Variants in HPS5 observed in about 807,000 individuals in gnomAD.
HPS5 encodes HPS5 biogenesis of lysosomal organelles complex 2 subunit 2.
HPS5 carries 83 observed loss-of-function variants against 128.0 expected under a neutral mutation model. The observed-to-expected ratio is 0.65, with a 90% CI of 0.54 to 0.78. HPS5 has a LOEUF of 0.78. Among genes scored for constraint, HPS5 ranks in the 30% least tolerant of loss-of-function variants. The probability of loss-of-function intolerance (pLI) is 0.00; values close to 1 mark genes in which losing one functional copy is unlikely to be tolerated. For synonymous variants in HPS5, 475 were observed against 470.2 expected, an observed-to-expected ratio of 1.01 and a Z score of -0.13; for missense variants, 1,281 against 1,326.2, an observed-to-expected ratio of 0.97 and a Z score of 0.53.
Position 18,287,627 on chromosome 11 carries a change from C to CA in HPS5, c.2624dup (p.Leu875PhefsTer15). On this transcript the variant is annotated frameshift_variant, in exon 18 of 23. Transcript: ENST00000349215. LOFTEE classifies it high-confidence loss of function. ...GACAAAGTTGTATGATATCCGATGG[C>CA]AAAATGGATGGAAAGAACTTGATTA... 1 of 1,614,088 alleles carries CA rather than the reference C, an allele frequency of 6.2e-7. No homozygotes were observed. The highest frequency in any genetic ancestry group is 8.5e-7 in the Non-Finnish European group (1 of 1,179,974).
At chr11:18,280,742 T>C (rs1858791398) in intron 22 of HPS5, 1 of 537,622 alleles carries the variant, frequency 1.9e-6, no homozygotes, top group Non-Finnish European at 3.3e-6. Flanking sequence ...TGCTACAACA[T>C]GGATAAACCT....
intron 17 of HPS5, 64 bp from the exon 18 acceptor site, chr11:18,287,754 T>G: frequency 1.3e-6 from 2 of 1,595,648 alleles, no homozygotes; most frequent in Middle Eastern, 1.7e-4. Flanking sequence ...TTGGTTACAT[T>G]TAGGTTACTT....
chr11:18,303,233 T>C (rs1361138939), intron 8 of HPS5, among the ~76,000 whole-genome samples: 1 of 150,770 alleles, frequency 6.6e-6, no homozygotes, highest in Non-Finnish European at 1.5e-5. Context: ...CTTTGTTGAA[T>C]TCACTATCAT....
chr11:18,282,707 A>AC (rs1859160447), intron 21 of HPS5, among the ~76,000 whole-genome samples: 1 of 152,298 alleles, frequency 6.6e-6, no homozygotes. Context: ...GACAAAACTT[A>AC]AACACGTAAG....
chr11:18,311,512 T>TA, intron 3 of HPS5, 61 bp from the exon 4 acceptor site: 1 of 482,396 alleles, frequency 2.1e-6, no homozygotes, highest in Non-Finnish European at 3.0e-6. Context: ...ATTATTATTA[T>TA]TTTTTTTTTT....
At chr11:18,318,445 ATC>A (rs1863901218) in intron 1 of HPS5, among the ~76,000 whole-genome samples, 1 of 152,222 alleles carries the variant, frequency 6.6e-6, no homozygotes, top group African/African-American at 2.4e-5. Context: ...GAATGAACAG[ATC>A]TACTAAGTGA....
chr11:18,298,064 G>A (rs1347863654), intron 10 of HPS5, among the ~76,000 whole-genome samples: 9 of 147,092 alleles, frequency 6.1e-5, no homozygotes, highest in African/African-American at 2.0e-4. Context: ...CAGCCTGGGG[G>A]ACAAGAGTGA....
At chr11:18,303,638 A>G (rs780755849) in intron 8 of HPS5, among the ~76,000 whole-genome samples, 33 of 152,164 alleles carry the variant, frequency 2.2e-4, no homozygotes, top group Non-Finnish European at 4.1e-4. Flanking sequence ...GGATTGCCTG[A>G]GCTCAGGAGT....
Position 18,296,924 on chromosome 11 carries a change from GA to G in HPS5, c.1383del (p.Gln462SerfsTer50). The G allele has an allele frequency of 6.2e-7, 1 of 1,609,924 alleles. No homozygotes were observed. The highest frequency in any genetic ancestry group is 1.1e-5 in the South Asian group (1 of 91,000). ...IYRIISSRRG[S>X]QSDEDSCSLH... ...AGGGAGCAAGAGTCTTCATCTGACT[GA>G]CTGCCTCTTCTACTACTAATGATAC... On this transcript the variant is annotated frameshift_variant, in exon 12 of 23. Coordinates refer to ENST00000349215, the MANE Select transcript of HPS5 (RefSeq NM_181507.2). LOFTEE classifies it high-confidence loss of function.
rs1315455318 is a variant in HPS5 at position 18,305,436 on chromosome 11, T to C, written c.882A>G (p.Lys294=). ...TAGAAACTTACCTAAGATGTAAGAG[T>C]TTGGGGAAAGACAAAGACTGGGAGG... The part of the protein sequence containing the change: ...AGSSQSLSFP[K]LLHLSEHCVL... Residue 294 remains lysine, a synonymous_variant, in exon 8 of 23, where the codon AAA becomes AAG. Transcript: ENST00000349215. 6.2e-7 allele frequency: 1 copy of C among 1,607,096 alleles called. No individual in the cohort carries two copies.
chr11:18,304,146 A>G (rs1862068794), intron 8 of HPS5, among the ~76,000 whole-genome samples: 1 of 152,132 alleles, frequency 6.6e-6, no homozygotes, highest in Non-Finnish European at 1.5e-5. Context: ...GTAAATAAAT[A>G]AATGTCTTTC....
At chr11:18,285,806 G>A (rs1288878436) in intron 19 of HPS5, among the ~76,000 whole-genome samples, 1 of 152,136 alleles carries the variant, frequency 6.6e-6, no homozygotes, top group Admixed American at 6.5e-5. Context: ...TCTCCTGGGA[G>A]GAAACGCAAG....
At chr11:18,318,589 A>G (rs1029786426) in intron 1 of HPS5, among the ~76,000 whole-genome samples, 6 of 152,248 alleles carry the variant, frequency 3.9e-5, no homozygotes, top group East Asian at 1.9e-4. Context: ...AAGTAACACG[A>G]AAGTTTTTAT....
chr11:18,308,389 C>G (rs1590125165), intron 6 of HPS5, among the ~76,000 whole-genome samples: 1 of 152,346 alleles, frequency 6.6e-6, no homozygotes, highest in East Asian at 1.9e-4. Flanking sequence ...TTAGCCTTCT[C>G]TCATGGCACT....
chr11:18,288,029 T>C lies in HPS5; in HGVS notation c.2441-16A>G, dbSNP rs1308011117. On this transcript the variant is annotated splice_polypyrimidine_tract_variant and intron_variant, in intron 16 of 22. Coordinates refer to ENST00000349215, the MANE Select transcript of HPS5 (RefSeq NM_181507.2). ...CTTGCCATTTCTGAAATATAAAGCA[T>C]ATCCTTTTCCAAACTTTATCTCTTA... 2.5e-6 allele frequency: 4 copies of C among 1,613,082 alleles called. No individual in the cohort carries two copies. The African/African-American group carries it at 5.3e-5, about 22-fold the overall frequency.
chr11:18,299,070 G>T, intron 9 of HPS5, 100 bp from the exon 10 acceptor site: 1 of 1,164,396 alleles, frequency 8.6e-7, no homozygotes, highest in Non-Finnish European at 1.3e-6. Context: ...TTCTTACGTA[G>T]GGTTTGGCTT....
intron 1 of HPS5, among the ~76,000 whole-genome samples, chr11:18,319,572 T>C (rs907474499): frequency 1.3e-5 from 2 of 152,116 alleles, no homozygotes; most frequent in African/African-American, 4.8e-5. Context: ...AAAGCTGGAA[T>C]CTTAATTTGG....
At chr11:18,313,946 A>G (rs974237404) in intron 2 of HPS5, among the ~76,000 whole-genome samples, 19 of 151,130 alleles carry the variant, frequency 1.3e-4, no homozygotes, top group African/African-American at 1.9e-4. Flanking sequence ...GCGGTGGCTC[A>G]TGCCTGTAAT....
At chr11:18,307,216 C>A (rs1311942071) in intron 6 of HPS5, among the ~76,000 whole-genome samples, 2 of 152,174 alleles carry the variant, frequency 1.3e-5, no homozygotes, top group African/African-American at 4.8e-5. Context: ...GCACTCAATA[C>A]ATTATAGAGT....
Sources: gnomAD v4.1 joint callset for allele counts (sites outside exome capture counted in the v4.1 genomes callset) on GRCh38, gnomAD v4.1.1 for gene constraint, MANE v1.5 for transcripts, NCBI Gene and HGNC (gene_info 2026-07-23, HGNC 2026-07-21) for gene names.